The following NR1H4 variants were observed in gnomAD, a reference collection of about 807,000 sequenced individuals.
The protein encoded by NR1H4 is bile acid receptor.
NR1H4 carries 23 observed loss-of-function variants against 58.5 expected under a neutral mutation model. The ratio of observed to expected loss-of-function variants is 0.39; its 90% CI spans 0.28 to 0.56. The LOEUF (loss-of-function observed/expected upper bound fraction) is 0.56. NR1H4 is among the 20% of genes least tolerant of loss of function. The pLI is 0.58. For missense variants in NR1H4, 487 were observed against 576.9 expected (o/e 0.84, Z 1.60); for synonymous variants, 214 against 198.0 (o/e 1.08, Z -0.68).
chr12:100,534,756 C>T, intron 5 of NR1H4, 134 bp from the exon 6 acceptor site: 1 of 980,556 alleles, frequency 1.0e-6, no homozygotes, highest in South Asian at 1.4e-5. Context: ...TTCTAAAATG[C>T]ATAAAAGGCT....
intron 9 of NR1H4, among the ~76,000 whole-genome samples, chr12:100,554,668 AGTCT>A (rs1955283552): frequency 1.3e-5 from 2 of 152,192 alleles, no homozygotes; most frequent in South Asian, 4.1e-4. Context: ...TCCATGGCAA[AGTCT>A]TTGGTAGTTA....
At chr12:100,524,310 C>A (rs1954501701) in intron 4 of NR1H4, among the ~76,000 whole-genome samples, 1 of 152,190 alleles carries the variant, frequency 6.6e-6, no homozygotes, top group Non-Finnish European at 1.5e-5. Context: ...TTCACTTGGG[C>A]TCAGGTAGCT....
intron 3 of NR1H4, chr12:100,499,872 A>C (rs546070772): frequency 1.3e-5 from 6 of 456,014 alleles, no homozygotes; most frequent in Middle Eastern, 3.3e-4. Flanking sequence ...GTTGGTTCCA[A>C]TCTCTGCCAT....
chr12:100,554,716 T>G (rs1017430527), intron 9 of NR1H4, among the ~76,000 whole-genome samples: 2 of 152,104 alleles, frequency 1.3e-5, no homozygotes, highest in East Asian at 3.9e-4. Context: ...TGACCAAAAA[T>G]CAGGTAATTG....
intron 9 of NR1H4, among the ~76,000 whole-genome samples, chr12:100,541,386 A>G (rs1036774085): frequency 1.3e-5 from 2 of 151,042 alleles, no homozygotes; most frequent in African/African-American, 4.9e-5. Context: ...GGTTCCAGCA[A>G]TTCTTGTGCC....
intron 9 of NR1H4, among the ~76,000 whole-genome samples, chr12:100,544,577 G>C (rs1955015159): frequency 6.6e-6 from 1 of 152,152 alleles, no homozygotes; most frequent in African/African-American, 2.4e-5. Context: ...CCTCAAGTTT[G>C]ATAATAAAAT....
intron 9 of NR1H4, among the ~76,000 whole-genome samples, chr12:100,544,635 A>G (rs914578404): frequency 1.3e-5 from 2 of 152,250 alleles, no homozygotes; most frequent in Middle Eastern, 3.4e-3. Context: ...TTTTATCCCA[A>G]GCACCTAGCA....
At chr12:100,498,672 A>G (rs937503482) in intron 3 of NR1H4, among the ~76,000 whole-genome samples, 4 of 152,224 alleles carry the variant, frequency 2.6e-5, no homozygotes, top group Non-Finnish European at 5.9e-5. Context: ...AACAAACAAT[A>G]TGTAAATAAA....
rs561278332 is a variant in NR1H4 at position 100,487,483 on chromosome 12, C to T, written c.-189-5020C>T. Among the ~76,000 whole-genome samples the T allele has an allele frequency of 1.2e-4, 18 of 152,178 alleles. No homozygotes were observed. The South Asian group carries it at 3.7e-3, about 32-fold the overall frequency. On this transcript the variant is annotated intron_variant, in intron 1 of 10. Coordinates refer to ENST00000392986, the MANE Select transcript of NR1H4 (RefSeq NM_001206979.2). ...AATCTATCCTGCATCCACCCTATCCCTCTTCCAGGACAGGGGTGGGGAATG... is the reference window on the plus strand; with the variant it reads ...AATCTATCCTGCATCCACCCTATCCTTCTTCCAGGACAGGGGTGGGGAATG...
At chr12:100,479,755 C>G (rs1206775009) in intron 1 of NR1H4, among the ~76,000 whole-genome samples, 1 of 152,250 alleles carries the variant, frequency 6.6e-6, no homozygotes, top group African/African-American at 2.4e-5. Context: ...ACCTCATTTC[C>G]TATAGCCCCT....
At chr12:100,563,129 T>C in intron 10 of NR1H4, 122 bp from the exon 11 acceptor site, 2 of 796,280 alleles carry the variant, frequency 2.5e-6, no homozygotes, top group East Asian at 5.3e-5. Flanking sequence ...GAACACTTAA[T>C]TTTCACATTT....
intron 9 of NR1H4, among the ~76,000 whole-genome samples, chr12:100,561,631 CTG>C (rs1210764909): frequency 6.6e-6 from 1 of 152,160 alleles, no homozygotes; most frequent in African/African-American, 2.4e-5. Context: ...TTAGTAGTGA[CTG>C]AAACAAAGAC....
intron 1 of NR1H4, among the ~76,000 whole-genome samples, chr12:100,476,826 G>A (rs1953281053): frequency 6.6e-6 from 1 of 152,110 alleles, no homozygotes; most frequent in Non-Finnish European, 1.5e-5. Flanking sequence ...GTTCAAGGCT[G>A]CAGTGAGCTA....
At chr12:100,488,590 G>A (rs933854066) in intron 1 of NR1H4, among the ~76,000 whole-genome samples, 16 of 152,178 alleles carry the variant, frequency 1.1e-4, no homozygotes, top group African/African-American at 2.9e-4. Flanking sequence ...AGACTCTCAC[G>A]TGTAGACATA....
chr12:100,553,871 G>A (rs550322515), intron 9 of NR1H4, among the ~76,000 whole-genome samples: 1 of 152,312 alleles, frequency 6.6e-6, no homozygotes, highest in South Asian at 2.1e-4. Context: ...TCCTCAGTAT[G>A]GAAATCTTTC....
chr12:100,482,748 T>C (rs963188880), intron 1 of NR1H4, among the ~76,000 whole-genome samples: 16 of 151,970 alleles, frequency 1.1e-4, no homozygotes, highest in African/African-American at 3.6e-4. Flanking sequence ...GCACTGAGGG[T>C]GCAAAATTTA....
chr12:100,555,509 A>G (rs1235428359), intron 9 of NR1H4, among the ~76,000 whole-genome samples: 1 of 152,200 alleles, frequency 6.6e-6, no homozygotes, highest in Non-Finnish European at 1.5e-5. Context: ...TCACACGTTT[A>G]ATCTAAGACT....
chr12:100,503,617 C>A, intron 3 of NR1H4: 1 of 964,594 alleles, frequency 1.0e-6, no homozygotes, highest in Non-Finnish European at 1.4e-6. Flanking sequence ...CTCAGTCAGA[C>A]CCAGAAGACT....
intron 4 of NR1H4, among the ~76,000 whole-genome samples, chr12:100,514,451 A>G (rs944877450): frequency 6.6e-6 from 1 of 152,200 alleles, no homozygotes; most frequent in Non-Finnish European, 1.5e-5. Flanking sequence ...AAACCTTGAC[A>G]CTATTGACAT....
Sources: allele counts gnomAD v4.1 joint callset (sites outside exome capture counted in the v4.1 genomes callset), GRCh38; gene constraint gnomAD v4.1.1; transcripts MANE v1.5; gene names NCBI Gene and HGNC (gene_info 2026-07-23, HGNC 2026-07-21).